PLEKHA7: variants seen among roughly 807,000 people sequenced by gnomAD.
PLEKHA7 encodes the protein pleckstrin homology domain containing A7, also known as pleckstrin homology domain-containing family A member 7.
Under a neutral mutation model 170.0 loss-of-function variants are expected in PLEKHA7, and 104 were observed. That is an observed-to-expected ratio of 0.61 (90% CI 0.52 to 0.72). The LOEUF is 0.72. PLEKHA7 is among the 30% of genes least tolerant of loss of function. PLEKHA7 has a pLI of 0.00. For missense variants in PLEKHA7, 1,615 were observed against 1,671.7 expected (o/e 0.97, Z 0.59); for synonymous variants, 648 against 660.8 (o/e 0.98, Z 0.30).
At chr11:17,007,214 C>T (rs995461227) in intron 3 of PLEKHA7, among the ~76,000 whole-genome samples, 2 of 152,126 alleles carry the variant, frequency 1.3e-5, no homozygotes, top group African/African-American at 2.4e-5. Context: ...GGTAAATGCA[C>T]TGATATTCAC....
At chr11:17,003,747 T>C (rs138722913) in intron 3 of PLEKHA7, among the ~76,000 whole-genome samples, 22 of 152,300 alleles carry the variant, frequency 1.4e-4, no homozygotes, top group African/African-American at 3.4e-4. Context: ...GCCCTTTTCA[T>C]ACATTTTTCT....
chr11:16,949,829 G>C (rs1861289019), intron 3 of PLEKHA7, among the ~76,000 whole-genome samples: 2 of 152,090 alleles, frequency 1.3e-5, no homozygotes, highest in African/African-American at 2.4e-5. Context: ...GAAATTCAGA[G>C]GAGGGAGAGA....
chr11:16,799,720 C>T (rs1004403801), intron 17 of PLEKHA7, among the ~76,000 whole-genome samples: 11 of 152,146 alleles, frequency 7.2e-5, no homozygotes, highest in Admixed American at 1.3e-4. Context: ...GTAAATGCTG[C>T]GGCTACAAAA....
Position 16,851,181 on chromosome 11 carries a change from G to A in PLEKHA7, c.696+10C>T, listed in dbSNP as rs1437857920. On this transcript the variant is annotated intron_variant, in intron 8 of 26. Coordinates refer to ENST00000531066, the MANE Select transcript of PLEKHA7 (RefSeq NM_001329630.2). ...ACAGAATGGCTGCATTAGAGGTGCA[G>A]GGGCAGTACCTTAAAGGAATATTTG... 3 of 1,588,402 alleles carry A rather than the reference G, an allele frequency of 1.9e-6. No individual in the cohort carries two copies. The highest frequency in any genetic ancestry group is 2.6e-6 in the Non-Finnish European group (3 of 1,165,220).
chr11:16,957,604 G>T (rs568623438), intron 3 of PLEKHA7, among the ~76,000 whole-genome samples: 1 of 150,008 alleles, frequency 6.7e-6, no homozygotes, highest in Non-Finnish European at 1.5e-5. Context: ...GATGATGGTT[G>T]TAAAACACCA....
chr11:16,913,517 G>C (rs963068549), intron 3 of PLEKHA7, among the ~76,000 whole-genome samples: 1 of 152,238 alleles, frequency 6.6e-6, no homozygotes, highest in Non-Finnish European at 1.5e-5. Context: ...GTGGTCACGG[G>C]AGAGAGGTGA....
At chr11:16,801,617 C>T (rs374675791) in intron 16 of PLEKHA7, 51 bp downstream of exon 16, 15 of 1,605,844 alleles carry the variant, frequency 9.3e-6, no homozygotes, top group Non-Finnish European at 1.3e-5. Context: ...AGAAAAGCAG[C>T]CCCTTGCTCA....
At chr11:16,889,605 C>CA (rs1245827692) in intron 3 of PLEKHA7, among the ~76,000 whole-genome samples, 11 of 149,540 alleles carry the variant, frequency 7.4e-5, no homozygotes, top group Admixed American at 1.3e-4. Flanking sequence ...CCACCCCCCA[C>CA]AAAAAAAATA....
intron 17 of PLEKHA7, among the ~76,000 whole-genome samples, chr11:16,798,723 C>T (rs1047231900): frequency 6.6e-6 from 1 of 152,118 alleles, no homozygotes; most frequent in African/African-American, 2.4e-5. Flanking sequence ...AGGTGCAGCC[C>T]TTTAGAAGGT....
At chr11:16,995,831 G>A (rs1327920372) in intron 3 of PLEKHA7, among the ~76,000 whole-genome samples, 2 of 152,140 alleles carry the variant, frequency 1.3e-5, no homozygotes, top group Non-Finnish European at 2.9e-5. Context: ...AACAGCCAAG[G>A]TCGTAATTAG....
intron 3 of PLEKHA7, among the ~76,000 whole-genome samples, chr11:17,013,710 C>T (rs931323605): frequency 1.5e-4 from 23 of 152,358 alleles, no homozygotes; most frequent in African/African-American, 5.5e-4. Context: ...GCCCGCACAC[C>T]AGCACCCGAA....
chr11:16,811,017 C>T lies in PLEKHA7; in HGVS notation c.2007+2096G>A, dbSNP rs560374464. Among the ~76,000 whole-genome samples, 11 of 152,266 alleles carry T rather than the reference C, an allele frequency of 7.2e-5. 1 individual carries two copies. The South Asian group carries it at 2.1e-3, about 29-fold the overall frequency. ...TGCAGTGACTGGCACACATTATAACCCCCTATTGTTATTAAGCTTCTGTTG... is the reference window on the plus strand; with the variant it reads ...TGCAGTGACTGGCACACATTATAACTCCCTATTGTTATTAAGCTTCTGTTG... On this transcript the variant is annotated intron_variant, in intron 13 of 26. Coordinates refer to ENST00000531066, the MANE Select transcript of PLEKHA7 (RefSeq NM_001329630.2).
intron 8 of PLEKHA7, among the ~76,000 whole-genome samples, chr11:16,847,101 T>C (rs1043163032): frequency 2.9e-5 from 4 of 138,620 alleles, no homozygotes; most frequent in African/African-American, 1.1e-4. Flanking sequence ...TTTTTTTTTT[T>C]TTTTTTTTTT....
At chr11:16,810,254 C>A (rs934963024) in intron 13 of PLEKHA7, among the ~76,000 whole-genome samples, 2 of 152,244 alleles carry the variant, frequency 1.3e-5, no homozygotes, top group Admixed American at 1.3e-4. Flanking sequence ...GCCGTCAATA[C>A]CTCTCCCCTG....
At chr11:16,955,863 A>G (rs763668736) in intron 3 of PLEKHA7, among the ~76,000 whole-genome samples, 123 of 152,278 alleles carry the variant, frequency 8.1e-4, no homozygotes, top group Non-Finnish European at 1.3e-3. Flanking sequence ...CTGGTTATCT[A>G]GAAAGAGGGG....
At position 16,777,811 on chromosome 11, in the gene PLEKHA7, G is replaced by A. The variant is rs1848771905; in HGVS notation, c.*1187C>T. ...CCTGCCACCAGACCTGAGTCCCAGGGAAGCCAATCCGGGGTTCTCCAAGGG... is the reference window on the plus strand; with the variant it reads ...CCTGCCACCAGACCTGAGTCCCAGGAAAGCCAATCCGGGGTTCTCCAAGGG... On this transcript the variant is annotated 3_prime_UTR_variant, in exon 27 of 27. Transcript: ENST00000531066. The A allele has an allele frequency of 6.6e-6, 1 of 152,246 alleles. No homozygotes were observed. Among genetic ancestry groups the A allele is most frequent in the Non-Finnish European group, 1.5e-5 (1 of 68,044 alleles). The allele number at this position is 152,246 out of a possible 1,614,324, so 9.4% of individuals were successfully genotyped here. A position where few individuals can be genotyped will look rare whatever the true frequency, so the allele number is the denominator to read the frequency against.
chr11:16,860,674 A>G (rs1188555929), intron 4 of PLEKHA7, among the ~76,000 whole-genome samples: 2 of 152,188 alleles, frequency 1.3e-5, no homozygotes, highest in African/African-American at 4.8e-5. Flanking sequence ...CGAGATAGAA[A>G]TTGGACTCCA....
intron 9 of PLEKHA7, among the ~76,000 whole-genome samples, chr11:16,826,997 G>A (rs1272956365): frequency 6.6e-6 from 1 of 152,166 alleles, no homozygotes; most frequent in South Asian, 2.1e-4. Context: ...AACTACTACT[G>A]CAAGAGAGAA....
Position 16,958,502 on chromosome 11 carries a change from T to C in PLEKHA7, c.221+55487A>G, listed in dbSNP as rs1861846329. Among the ~76,000 whole-genome samples the C allele has an allele frequency of 1.3e-5, 2 of 152,180 alleles. 1 individual carries two copies. Among genetic ancestry groups the C allele is most frequent in the Non-Finnish European group, 2.9e-5 (2 of 68,024 alleles). On this transcript the variant is annotated intron_variant, in intron 3 of 26. Coordinates refer to ENST00000531066, the MANE Select transcript of PLEKHA7 (RefSeq NM_001329630.2). ...AAAGGAAAGACTGGCAGCGTAGACA[T>C]GCAAACAGCCACAAAGAGTGATTAA...
Sources: gnomAD v4.1 joint callset for allele counts (sites outside exome capture counted in the v4.1 genomes callset) on GRCh38, gnomAD v4.1.1 for gene constraint, MANE v1.5 for transcripts, NCBI Gene and HGNC (gene_info 2026-07-23, HGNC 2026-07-21) for gene names.